Variants in UGT1A10 observed in about 807,000 individuals in gnomAD.
The protein encoded by UGT1A10 is UDP glucuronosyltransferase family 1 member A10.
UGT1A10 carries 49 observed loss-of-function variants against 45.8 expected under a neutral mutation model. That is an observed-to-expected ratio of 1.07 (90% CI 0.85 to 1.36). The LOEUF is 1.36. Ranked by LOEUF, UGT1A10 falls within the 40% of genes most tolerant of loss-of-function variation. UGT1A10 has a pLI of 0.00. For missense variants in UGT1A10, 745 were observed against 668.6 expected (o/e 1.11, Z -1.26); for synonymous variants, 284 against 249.7 (o/e 1.14, Z -1.29).
chr2:233,720,776 G>A (rs569960725), intron 1 of UGT1A10, among the ~76,000 whole-genome samples: 7 of 148,022 alleles, frequency 4.7e-5, no homozygotes, highest in Admixed American at 2.0e-4. Flanking sequence ...CCGGATCTCC[G>A]CTCACTGCAA....
intron 1 of UGT1A10, chr2:233,719,612 C>T (rs147312289): frequency 3.1e-4 from 507 of 1,614,066 alleles, no homozygotes; most frequent in African/African-American, 5.3e-4. Flanking sequence ...TTGTGATGGA[C>T]TACCCCAGGC....
intron 1 of UGT1A10, among the ~76,000 whole-genome samples, chr2:233,749,727 C>A (rs1694261714): frequency 6.6e-6 from 1 of 151,854 alleles, no homozygotes; most frequent in Admixed American, 6.5e-5. Context: ...CAGTTTCGCA[C>A]CTGCTGGTCT....
At position 233,675,856 on chromosome 2, in the gene UGT1A10, A is replaced by G. The variant is rs28969706; in HGVS notation, c.855+38479A>G. On this transcript the variant is annotated intron_variant, in intron 1 of 4. Transcript: ENST00000344644. ...GAACAATTCATTTAATATAAAAAATAAGAAAAATTTGTTACATAGCCACAA... is the reference window on the plus strand; with the variant it reads ...GAACAATTCATTTAATATAAAAAATGAGAAAAATTTGTTACATAGCCACAA... Among the ~76,000 whole-genome samples, 1,490 of 152,324 alleles carry G rather than the reference A, an allele frequency of 9.8e-3. 36 individuals carry two copies. Among genetic ancestry groups the G allele is most frequent in the African/African-American group, 0.034 (1,393 of 41,570 alleles).
chr2:233,754,950 C>T lies in UGT1A10; in HGVS notation c.856-12084C>T, dbSNP rs186689116. ...CAAGAGGTCAAAGGAGAATGGGTCC[C>T]GGCCGCCAAAGAACTCCCTGAAGAC... On this transcript the variant is annotated intron_variant, in intron 1 of 4. Transcript: ENST00000344644. The T allele has an allele frequency of 1.7e-3, 2,306 of 1,324,608 alleles. 28 individuals carry two copies. In the African/African-American group the frequency reaches 0.028, roughly 16 times the overall value. The allele number at this position is 1,324,608 out of a possible 1,614,324, so 82.1% of individuals were successfully genotyped here.
At chr2:233,663,530 A>G (rs553240704) in intron 1 of UGT1A10, among the ~76,000 whole-genome samples, 1 of 152,184 alleles carries the variant, frequency 6.6e-6, no homozygotes, top group South Asian at 2.1e-4. Flanking sequence ...TGTCTCAAGC[A>G]CTGATCTTAG....
intron 1 of UGT1A10, among the ~76,000 whole-genome samples, chr2:233,642,439 T>C (rs1183270200): frequency 6.6e-6 from 1 of 152,228 alleles, no homozygotes; most frequent in East Asian, 1.9e-4. Context: ...TGGAATTTCT[T>C]TGAGTTTCCT....
chr2:233,682,094 C>T (rs1325065140), intron 1 of UGT1A10: 3 of 1,614,112 alleles, frequency 1.9e-6, no homozygotes, highest in East Asian at 2.2e-5. Context: ...CCTCAGGGGG[C>T]ATGAGGTGGT....
intron 1 of UGT1A10, chr2:233,761,038 G>A: frequency 6.2e-7 from 1 of 1,614,174 alleles, no homozygotes; most frequent in Non-Finnish European, 8.5e-7. Flanking sequence ...ATTGAGCTCT[G>A]CATCTGTCTG....
At position 233,692,634 on chromosome 2, in the gene UGT1A10, G is replaced by A. The variant is rs981201008; in HGVS notation, c.855+55257G>A. ...GCACATCATGGACATAACAGACAAC[G>A]TCAATGATGAGGAATCCAGCAAGTT... On this transcript the variant is annotated intron_variant, in intron 1 of 4. Coordinates refer to ENST00000344644, the MANE Select transcript of UGT1A10 (RefSeq NM_019075.4). Among the ~76,000 whole-genome samples, 6 of 152,278 alleles carry A rather than the reference G, an allele frequency of 3.9e-5. No homozygotes were observed. The East Asian group carries it at 1.2e-3, about 29-fold the overall frequency.
At chr2:233,742,996 A>G in intron 1 of UGT1A10, 1 of 237,696 alleles carries the variant, frequency 4.2e-6, no homozygotes, top group South Asian at 5.8e-5. Context: ...AGCAAATTGC[A>G]TACAGATATT....
At chr2:233,747,164 A>C (rs559745186) in intron 1 of UGT1A10, 19 of 1,590,218 alleles carry the variant, frequency 1.2e-5, no homozygotes, top group Non-Finnish European at 1.6e-5. Context: ...AAACAAATGT[A>C]GGAGGCACAG....
chr2:233,729,858 A>G (rs1450945508), intron 1 of UGT1A10: 1 of 1,613,820 alleles, frequency 6.2e-7, no homozygotes. Context: ...GAGAGGTGTC[A>G]GTGGTGGATA....
In UGT1A10 at chr2:233,768,348, G is replaced by T; in HGVS notation, c.1204G>T (p.Glu402Ter). 1 of 1,614,198 alleles carries T rather than the reference G, an allele frequency of 6.2e-7. No homozygotes were observed. Among genetic ancestry groups the T allele is most frequent in the Non-Finnish European group, 8.5e-7 (1 of 1,180,042 alleles). The change falls in exon 4 of 5, where the codon GAG becomes TAG. Residue 402 changes from glutamate to a stop codon, truncating the protein, a stop_gained. Coordinates refer to ENST00000344644, the MANE Select transcript of UGT1A10 (RefSeq NM_019075.4). LOFTEE classifies it high-confidence loss of function. The part of the protein sequence containing the change: ...GDQMDNAKRM[E>*]TKGAGVTLNV... ...TCAGATGGACAATGCAAAGCGCATG[G>T]AGACTAAGGGAGCTGGAGTGACCCT...
rs923317009 is a variant in UGT1A10, at chr2:233,730,111, C to T, written c.856-36923C>T. On this transcript the variant is annotated intron_variant, in intron 1 of 4. Transcript: ENST00000344644. ...CTTTCCAAATATTTCATTTCTGCTT[C>T]TCCTTGTCATAATAGCCTTCAGTGA... The T allele has an allele frequency of 2.6e-6, 4 of 1,566,198 alleles. No individual in the cohort carries two copies. In the African/African-American group the frequency reaches 4.1e-5, roughly 16 times the overall value.
At chr2:233,676,487 G>A (rs986266023) in intron 1 of UGT1A10, among the ~76,000 whole-genome samples, 4 of 152,174 alleles carry the variant, frequency 2.6e-5, no homozygotes, top group African/African-American at 9.6e-5. Context: ...GACGCATAAT[G>A]ATGAGCTAAA....
Position 233,636,529 on chromosome 2 carries a change from C to T in UGT1A10, c.7C>T (p.Arg3Cys), listed in dbSNP as rs1159828757. The change falls in exon 1 of 5, where the codon CGC becomes TGC. Residue 3 changes from arginine to cysteine, a missense_variant. Arg to Cys is a radical substitution (Grantham distance 180). Coordinates refer to ENST00000344644, the MANE Select transcript of UGT1A10 (RefSeq NM_019075.4). MARAGWTSPVPLC... is the reference protein window; with the variant it reads MACAGWTSPVPLC... ...CTCGGGCTGCAGTTCTCTCATGGCT[C>T]GCGCAGGGTGGACCAGCCCCGTTCC... is the stretch of plus-strand genomic sequence containing the variant. 7 of 1,611,762 alleles carry T rather than the reference C, an allele frequency of 4.3e-6. No individual in the cohort carries two copies. The highest frequency in any genetic ancestry group is 2.2e-5 in the East Asian group (1 of 44,874).
At chr2:233,643,109 C>T (rs1276929156) in intron 1 of UGT1A10, among the ~76,000 whole-genome samples, 1 of 152,206 alleles carries the variant, frequency 6.6e-6, no homozygotes, top group Non-Finnish European at 1.5e-5. Flanking sequence ...GGTGATACAG[C>T]CAGCCAGACC....
At chr2:233,715,775 A>G (rs2076469158) in intron 1 of UGT1A10, among the ~76,000 whole-genome samples, 1 of 152,186 alleles carries the variant, frequency 6.6e-6, no homozygotes, top group South Asian at 2.1e-4. Flanking sequence ...CCATCTCAAA[A>G]AAATAAAAAT....
intron 1 of UGT1A10, among the ~76,000 whole-genome samples, chr2:233,681,516 G>A (rs2074526224): frequency 7.9e-6 from 1 of 126,814 alleles, no homozygotes; most frequent in South Asian, 2.7e-4. Flanking sequence ...GGATGACACA[G>A]TGAGACTCCA....
Sources: allele counts gnomAD v4.1 joint callset (sites outside exome capture counted in the v4.1 genomes callset), GRCh38; gene constraint gnomAD v4.1.1; transcripts MANE v1.5; gene names NCBI Gene and HGNC (gene_info 2026-07-23, HGNC 2026-07-21).